BMPER: variants seen among roughly 807,000 people sequenced by gnomAD.
BMPER encodes the protein BMP-binding endothelial regulator protein.
A neutral mutation model predicts 87.3 loss-of-function variants in BMPER; 45 were observed. That is an observed-to-expected ratio of 0.52 (90% confidence interval 0.41 to 0.66). The LOEUF is 0.66. Ranked by LOEUF, BMPER falls within the 30% of genes least tolerant of loss-of-function variation. The pLI is 0.00. For missense variants in BMPER, 784 were observed against 867.5 expected (o/e 0.90, Z 1.21); for synonymous variants, 326 against 316.2 (o/e 1.03, Z -0.33).
At chr7:33,983,653 G>A (rs1585704133) in intron 6 of BMPER, among the ~76,000 whole-genome samples, 1 of 152,116 alleles carries the variant, frequency 6.6e-6, no homozygotes, top group African/African-American at 2.4e-5. Flanking sequence ...AAACTAGCAA[G>A]AACTGAAGCC....
chr7:33,961,662 G>T (rs1785274453), intron 3 of BMPER, among the ~76,000 whole-genome samples: 3 of 152,294 alleles, frequency 2.0e-5, no homozygotes, highest in African/African-American at 4.8e-5. Flanking sequence ...CCACAAAGAG[G>T]CTCCAGACAA....
At chr7:34,055,134 T>C (rs1177373007) in intron 8 of BMPER, 29 bp from the exon 9 acceptor site, 1 of 1,614,074 alleles carries the variant, frequency 6.2e-7, no homozygotes, top group Non-Finnish European at 8.5e-7. Flanking sequence ...AAATCATTTT[T>C]AATTTCTATT....
At chr7:33,969,330 A>G (rs565411664) in intron 4 of BMPER, among the ~76,000 whole-genome samples, 1 of 152,348 alleles carries the variant, frequency 6.6e-6, no homozygotes, top group South Asian at 2.1e-4. Flanking sequence ...ATTAATTCTA[A>G]AAATATTTCA....
chr7:33,957,594 A>G (rs1673327234), intron 3 of BMPER, among the ~76,000 whole-genome samples: 1 of 152,134 alleles, frequency 6.6e-6, no homozygotes, highest in Non-Finnish European at 1.5e-5. Flanking sequence ...ACAGACACAA[A>G]TAAGTGTATG....
At chr7:34,116,998 A>AAAAAG (rs1790134544) in intron 13 of BMPER, among the ~76,000 whole-genome samples, 2 of 152,210 alleles carry the variant, frequency 1.3e-5, no homozygotes, top group South Asian at 4.1e-4. Flanking sequence ...TCCGAAAAAA[A>AAAAAG]AAAAAGAAAA....
chr7:34,033,938 T>C (rs1787596414), intron 6 of BMPER, among the ~76,000 whole-genome samples: 1 of 152,192 alleles, frequency 6.6e-6, no homozygotes, highest in African/African-American at 2.4e-5. Context: ...TGAAATAAGG[T>C]ACTAACTAAG....
intron 2 of BMPER, among the ~76,000 whole-genome samples, chr7:33,923,885 G>A (rs919878512): frequency 3.3e-5 from 5 of 152,092 alleles, no homozygotes; most frequent in East Asian, 1.9e-4. Context: ...CAGCCAAGAC[G>A]TTTTCTCTAT....
At chr7:33,967,325 T>A (rs1785430560) in intron 4 of BMPER, among the ~76,000 whole-genome samples, 1 of 152,232 alleles carries the variant, frequency 6.6e-6, no homozygotes, top group South Asian at 2.1e-4. Context: ...CTAACCCTAT[T>A]TCGTTGTCCA....
intron 6 of BMPER, among the ~76,000 whole-genome samples, chr7:33,994,204 C>T (rs1408626718): frequency 1.4e-4 from 22 of 152,068 alleles, no homozygotes; most frequent in African/African-American, 7.3e-5. Context: ...CAATGGTGGG[C>T]GCCCCTCCCC....
intron 6 of BMPER, chr7:34,042,859 T>A (rs950686177): frequency 1.3e-5 from 2 of 152,160 alleles, no homozygotes; most frequent in African/African-American, 4.8e-5. Context: ...TTTATGTATG[T>A]GCCAAAAATT....
At chr7:34,046,929 T>A (rs1057257873) in intron 7 of BMPER, among the ~76,000 whole-genome samples, 9 of 148,768 alleles carry the variant, frequency 6.0e-5, no homozygotes, top group African/African-American at 2.3e-4. Flanking sequence ...GCACTTTATT[T>A]TTTTTTTTTT....
intron 10 of BMPER, 135 bp from the exon 11 acceptor site, chr7:34,061,867 T>C (rs1788444255): frequency 5.4e-6 from 4 of 744,672 alleles, no homozygotes; most frequent in South Asian, 3.6e-5. Context: ...CATCTGGGCA[T>C]TGAGTTCAAA....
intron 6 of BMPER, among the ~76,000 whole-genome samples, chr7:34,021,941 A>G (rs1405069036): frequency 5.3e-5 from 8 of 152,018 alleles, no homozygotes; most frequent in Admixed American, 6.6e-5. Flanking sequence ...TGTGGACTGT[A>G]CAGACTCCTG....
chr7:33,978,309 C>T (rs1366152090), intron 6 of BMPER, among the ~76,000 whole-genome samples: 2 of 152,220 alleles, frequency 1.3e-5, no homozygotes. Context: ...TGATCTTGGA[C>T]TTCCCGGCAT....
At chr7:33,990,517 T>A (rs958191393) in intron 6 of BMPER, among the ~76,000 whole-genome samples, 2 of 149,192 alleles carry the variant, frequency 1.3e-5, no homozygotes, top group African/African-American at 4.9e-5. Flanking sequence ...GATTTTGGGC[T>A]GAGACAATGG....
At chr7:34,036,920 G>A (rs1429085528) in intron 6 of BMPER, among the ~76,000 whole-genome samples, 4 of 152,076 alleles carry the variant, frequency 2.6e-5, no homozygotes. Flanking sequence ...AAACAAACAA[G>A]GAAAACTGCC....
chr7:34,048,727 G>A (rs2127959107), intron 7 of BMPER, among the ~76,000 whole-genome samples: 1 of 152,286 alleles, frequency 6.6e-6, no homozygotes, highest in South Asian at 2.1e-4. Context: ...TTCATTTATG[G>A]TTATAAGGCA....
intron 14 of BMPER, among the ~76,000 whole-genome samples, chr7:34,152,303 G>A (rs996951954): frequency 3.3e-5 from 5 of 152,118 alleles, no homozygotes; most frequent in African/African-American, 9.7e-5. Context: ...AATGAGGGGC[G>A]GCCCCTTCAA....
At chr7:33,972,655 C>T (rs1785578543) in intron 5 of BMPER, among the ~76,000 whole-genome samples, 2 of 152,100 alleles carry the variant, frequency 1.3e-5, no homozygotes, top group Non-Finnish European at 2.9e-5. Flanking sequence ...CACCACAGGG[C>T]ACTACCTCCC....
Sources: allele counts gnomAD v4.1 joint callset (sites outside exome capture counted in the v4.1 genomes callset), GRCh38; gene constraint gnomAD v4.1.1; transcripts MANE v1.5; gene names NCBI Gene and HGNC (gene_info 2026-07-23, HGNC 2026-07-21).